The following SIGLEC5 variants were observed in gnomAD, a reference collection of about 807,000 sequenced individuals.
SIGLEC5 encodes the protein sialic acid-binding Ig-like lectin 5.
Under a neutral mutation model 45.9 loss-of-function variants are expected in SIGLEC5, and 34 were observed. The ratio of observed to expected loss-of-function variants is 0.74; its 90% CI spans 0.56 to 0.99. SIGLEC5 has a LOEUF of 0.99. Among genes scored for constraint, SIGLEC5 ranks in the 50% least tolerant of loss-of-function variants. The pLI is 0.00. For synonymous variants in SIGLEC5, 203 were observed against 258.6 expected, an observed-to-expected ratio of 0.79 and a Z score of 2.06; for missense variants, 508 against 629.6, an observed-to-expected ratio of 0.81 and a Z score of 2.07.
At chr19:51,619,186 T>C (rs1447161360) in intron 8 of SIGLEC5, among the ~76,000 whole-genome samples, 1 of 152,224 alleles carries the variant, frequency 6.6e-6, no homozygotes, top group African/African-American at 2.4e-5. Flanking sequence ...ACGATTCTCC[T>C]GCCTCAGCCT....
rs774340778 is a variant in SIGLEC5 at position 51,629,414 on chromosome 19, A to T, written c.644T>A (p.Met215Lys). The T allele has an allele frequency of 6.8e-6, 11 of 1,613,416 alleles. No individual in the cohort carries two copies. The East Asian group carries it at 1.3e-4, about 20-fold the overall frequency. ...EDHGTNLTCQ[M>K]KRQGAQVTTE... The stretch of plus-strand genomic sequence containing the variant: ...GGTCACCTGAGCTCCTTGGCGTTTC[A>T]TCTGACAGGTGAGGTTGGTGCCATG... Residue 215 changes from methionine to lysine, a missense_variant, in exon 3 of 9, where the codon ATG (methionine) becomes AAG (lysine). Coordinates refer to ENST00000683636, the MANE Select transcript of SIGLEC5 (RefSeq NM_003830.4).
intron 8 of SIGLEC5, among the ~76,000 whole-genome samples, chr19:51,618,380 G>C (rs907397643): frequency 2.2e-5 from 3 of 135,212 alleles, no homozygotes; most frequent in African/African-American, 8.3e-5. Context: ...AGAAACTAGA[G>C]TAGCTATATT....
intron 8 of SIGLEC5, among the ~76,000 whole-genome samples, chr19:51,619,077 G>A (rs936429342): frequency 8.5e-5 from 13 of 152,100 alleles, no homozygotes; most frequent in Admixed American, 8.5e-4. Flanking sequence ...TTAACACACT[G>A]GACTGTTAAT....
At chr19:51,627,350 T>A (rs1409788623) in intron 6 of SIGLEC5, 102 bp from the exon 7 acceptor site, 5 of 1,522,600 alleles carry the variant, frequency 3.3e-6, no homozygotes, top group African/African-American at 1.4e-5. Flanking sequence ...AGACAGGAGA[T>A]GAAGAACCCT....
intron 8 of SIGLEC5, among the ~76,000 whole-genome samples, chr19:51,622,594 G>A (rs984416090): frequency 6.6e-6 from 1 of 152,132 alleles, no homozygotes; most frequent in African/African-American, 2.4e-5. Flanking sequence ...CAGTAAAATT[G>A]ACTATTGGAG....
At chr19:51,618,763 G>A (rs574028331) in intron 8 of SIGLEC5, among the ~76,000 whole-genome samples, 5 of 116,242 alleles carry the variant, frequency 4.3e-5, no homozygotes, top group East Asian at 5.9e-4. Context: ...CTGCACTGCC[G>A]CCTGGGTGAC....
intron 8 of SIGLEC5, among the ~76,000 whole-genome samples, chr19:51,624,031 T>C (rs1362679487): frequency 6.6e-6 from 1 of 152,078 alleles, no homozygotes; most frequent in Non-Finnish European, 1.5e-5. Context: ...TGGTGGTACA[T>C]GCCTGTAATC....
chr19:51,625,227 A>G (rs898756014), intron 8 of SIGLEC5, among the ~76,000 whole-genome samples: 1 of 152,228 alleles, frequency 6.6e-6, no homozygotes, highest in African/African-American at 2.4e-5. Flanking sequence ...GTTGTAGGAC[A>G]GCAGGTCCGT....
In SIGLEC5 at chr19:51,618,443, T is replaced by TAAAAAAAAAAAAAAAAAAAA. The variant is rs1228951315; in HGVS notation, c.1465-6041_1465-6022dup. Among the ~76,000 whole-genome samples, 3 of 49,452 alleles carry TAAAAAAAAAAAAAAAAAAAA rather than the reference T, an allele frequency of 6.1e-5. 1 individual carries two copies. Among genetic ancestry groups the TAAAAAAAAAAAAAAAAAAAA allele is most frequent in the Non-Finnish European group, 1.0e-4 (3 of 29,288 alleles). 32.4% of individuals were successfully genotyped at this position (49,452 alleles called of 152,430 possible). A position where few individuals can be genotyped will look rare whatever the true frequency, so the allele number is the denominator to read the frequency against. On this transcript the variant is annotated intron_variant, in intron 8 of 8. Coordinates refer to ENST00000683636, the MANE Select transcript of SIGLEC5 (RefSeq NM_003830.4). ...CCGCATGAGTGAGTGAGACCCTGCC[T>TAAAAAAAAAAAAAAAAAAAA]AAAAAAAAAAAAAAAAAAAAAAAAA... is the stretch of plus-strand genomic sequence containing the variant.
intron 8 of SIGLEC5, among the ~76,000 whole-genome samples, chr19:51,615,976 A>G (rs1342212367): frequency 6.6e-6 from 1 of 152,178 alleles, no homozygotes; most frequent in Non-Finnish European, 1.5e-5. Flanking sequence ...GAGTTTCTCC[A>G]TGTTGGTTGG....
rs558038669 is a variant in SIGLEC5 at position 51,617,930 on chromosome 19, G to A, written c.1465-5508C>T. On this transcript the variant is annotated intron_variant, in intron 8 of 8. Transcript: ENST00000683636. ...AAGAGAGGCCAAGAGATATAAAAGCGCACCAAAATTCTTTTTGTTAGATGT... is the reference window on the plus strand; with the variant it reads ...AAGAGAGGCCAAGAGATATAAAAGCACACCAAAATTCTTTTTGTTAGATGT... Among the ~76,000 whole-genome samples the A allele has an allele frequency of 1.3e-4, 19 of 151,686 alleles. No individual in the cohort carries two copies. In the East Asian group the frequency reaches 1.5e-3, roughly 12 times the overall value.
chr19:51,629,866 AGCTAT>A lies in SIGLEC5; in HGVS notation c.383_387del (p.Tyr128LeufsTer5), dbSNP rs745932100. 2 of 1,333,836 alleles carry A rather than the reference AGCTAT, an allele frequency of 1.5e-6. No homozygotes were observed. The highest frequency in any genetic ancestry group is 2.3e-5 in the South Asian group (2 of 85,682). 82.6% of individuals were successfully genotyped at this position (1,333,836 alleles called of 1,614,324 possible). A position where few individuals can be genotyped will look rare whatever the true frequency, so the allele number is the denominator to read the frequency against. ...TCCAAGTTCAGCTTATTCTGTTGGT[AGCTAT>A]ATTTTACATCCCTTCCTCTCTCCAC... On this transcript the variant is annotated frameshift_variant, in exon 2 of 9. Coordinates refer to ENST00000683636, the MANE Select transcript of SIGLEC5 (RefSeq NM_003830.4). LOFTEE classifies it high-confidence loss of function.
chr19:51,627,386 T>G, intron 6 of SIGLEC5, 76 bp downstream of exon 6: 1 of 1,554,326 alleles, frequency 6.4e-7, no homozygotes, highest in East Asian at 2.3e-5. Flanking sequence ...GTCCAGCCTC[T>G]CTCTCCCACC....
intron 8 of SIGLEC5, among the ~76,000 whole-genome samples, chr19:51,624,862 G>T (rs113117608): frequency 6.6e-6 from 1 of 152,154 alleles, no homozygotes; most frequent in Non-Finnish European, 1.5e-5. Flanking sequence ...TACTTGGGAG[G>T]CTGAGGCAGG....
intron 8 of SIGLEC5, among the ~76,000 whole-genome samples, chr19:51,612,732 A>G (rs1053597061): frequency 6.6e-6 from 1 of 152,194 alleles, no homozygotes; most frequent in African/African-American, 2.4e-5. Flanking sequence ...CTGCGCAGAT[A>G]TACTGCAGCA....
At chr19:51,617,558 C>T (rs1316175714) in intron 8 of SIGLEC5, among the ~76,000 whole-genome samples, 1 of 152,122 alleles carries the variant, frequency 6.6e-6, no homozygotes, top group Non-Finnish European at 1.5e-5. Flanking sequence ...GAGTTTAAAG[C>T]ACCAAAGGAA....
intron 8 of SIGLEC5, among the ~76,000 whole-genome samples, chr19:51,624,096 T>G (rs1053051481): frequency 8.6e-5 from 13 of 151,518 alleles, no homozygotes; most frequent in Non-Finnish European, 1.6e-4. Flanking sequence ...GAGGTGGAGG[T>G]TGCAATGAGC....
intron 8 of SIGLEC5, among the ~76,000 whole-genome samples, chr19:51,618,456 A>C (rs1202223480): frequency 6.7e-6 from 1 of 149,824 alleles, no homozygotes; most frequent in Non-Finnish European, 1.5e-5. Context: ...AAAAAAAAAA[A>C]AAAAAAAAAA....
rs531205592 is a variant in SIGLEC5 at position 51,616,563 on chromosome 19, G to A, written c.1465-4141C>T. Among the ~76,000 whole-genome samples the A allele has an allele frequency of 9.9e-5, 15 of 152,212 alleles. No homozygotes were observed. In the South Asian group the frequency reaches 2.9e-3, roughly 29 times the overall value. ...CAGAAGTATCCCCTAAAAGGAAGTA[G>A]GGAAGGATGAAGACTAGAACATATG... On this transcript the variant is annotated intron_variant, in intron 8 of 8. Coordinates refer to ENST00000683636, the MANE Select transcript of SIGLEC5 (RefSeq NM_003830.4).
Sources: allele counts gnomAD v4.1 joint callset (sites outside exome capture counted in the v4.1 genomes callset), GRCh38; gene constraint gnomAD v4.1.1; transcripts MANE v1.5; gene names NCBI Gene and HGNC (gene_info 2026-07-23, HGNC 2026-07-21).